PLD5: variants seen among roughly 807,000 people sequenced by gnomAD.
PLD5 encodes phospholipase D family member 5.
A neutral mutation model predicts 61.1 loss-of-function variants in PLD5; 36 were observed. The ratio of observed to expected loss-of-function variants is 0.59; its 90% CI spans 0.45 to 0.78. The LOEUF is 0.78. Ranked by LOEUF, PLD5 falls within the 30% of genes least tolerant of loss-of-function variation. PLD5 has a pLI of 0.00. For synonymous variants in PLD5, 243 were observed against 242.8 expected, an observed-to-expected ratio of 1.00 and a Z score of -0.01; for missense variants, 515 against 644.4, an observed-to-expected ratio of 0.80 and a Z score of 2.17.
At chr1:242,361,013 CAATG>C (rs1482649721) in intron 1 of PLD5, among the ~76,000 whole-genome samples, 2 of 152,046 alleles carry the variant, frequency 1.3e-5, no homozygotes, top group African/African-American at 4.8e-5. Context: ...AGTGGGCATT[CAATG>C]AATGAATCCT....
chr1:242,340,923 G>A (rs1311509073), intron 2 of PLD5, among the ~76,000 whole-genome samples: 2 of 151,794 alleles, frequency 1.3e-5, no homozygotes, highest in Admixed American at 6.6e-5. Flanking sequence ...GCTTAAGAAC[G>A]TTTCCTGCGG....
intron 2 of PLD5, among the ~76,000 whole-genome samples, chr1:242,344,301 C>A: frequency 6.6e-6 from 1 of 152,178 alleles, no homozygotes; most frequent in Non-Finnish European, 1.5e-5. Context: ...CACCTAGAGC[C>A]TTCTTTCTTC....
chr1:242,220,442 C>G (rs1271756072), intron 4 of PLD5, among the ~76,000 whole-genome samples: 1 of 152,152 alleles, frequency 6.6e-6, no homozygotes, highest in Non-Finnish European at 1.5e-5. Context: ...CCGGCTGCAC[C>G]ACTTACCATC....
At chr1:242,393,724 A>G (rs1251628664) in intron 1 of PLD5, among the ~76,000 whole-genome samples, 1 of 146,586 alleles carries the variant, frequency 6.8e-6, no homozygotes, top group African/African-American at 2.5e-5. Flanking sequence ...ATGAGTATAT[A>G]TGTGTGTATA....
intron 4 of PLD5, among the ~76,000 whole-genome samples, chr1:242,262,653 C>T (rs548249115): frequency 7.9e-5 from 12 of 152,026 alleles, no homozygotes; most frequent in South Asian, 2.1e-4. Context: ...AGAAGAAAGA[C>T]GGGGGGATAG....
intron 1 of PLD5, among the ~76,000 whole-genome samples, chr1:242,437,708 C>T (rs1448264043): frequency 2.0e-5 from 3 of 151,932 alleles, no homozygotes; most frequent in African/African-American, 4.8e-5. Context: ...ATTTAGTTTA[C>T]AAACAGCTAA....
chr1:242,462,913 T>C (rs1667163661), intron 1 of PLD5, among the ~76,000 whole-genome samples: 1 of 152,230 alleles, frequency 6.6e-6, no homozygotes, highest in Admixed American at 6.5e-5. Context: ...CCAACATTAC[T>C]TGTGCCTTAA....
intron 5 of PLD5, among the ~76,000 whole-genome samples, chr1:242,178,100 A>G (rs1047781896): frequency 2.0e-5 from 3 of 152,254 alleles, no homozygotes; most frequent in East Asian, 1.9e-4. Flanking sequence ...GTGCTGACCA[A>G]TGATTTCTAA....
At position 242,086,954 on chromosome 1, in the gene PLD5, C is replaced by T. The variant is rs1659504409; in HGVS notation, c.*2900G>A. 1 of 151,568 alleles carries T rather than the reference C, an allele frequency of 6.6e-6. No individual in the cohort carries two copies. Among genetic ancestry groups the T allele is most frequent in the East Asian group, 1.9e-4 (1 of 5,150 alleles). The allele number at this position is 151,568 out of a possible 1,614,324, so 9.4% of individuals were successfully genotyped here. ...ACCTGTTTTTGTTTTGCATTCTTTCCCTCCTGGAAAGTAATTCCTGGGATA... is the reference window on the plus strand; with the variant it reads ...ACCTGTTTTTGTTTTGCATTCTTTCTCTCCTGGAAAGTAATTCCTGGGATA... On this transcript the variant is annotated 3_prime_UTR_variant, in exon 10 of 10. Coordinates refer to ENST00000536534, the MANE Select transcript of PLD5 (RefSeq NM_001372062.1).
intron 5 of PLD5, among the ~76,000 whole-genome samples, chr1:242,149,448 T>C (rs1483668545): frequency 6.6e-6 from 1 of 151,840 alleles, no homozygotes; most frequent in Non-Finnish European, 1.5e-5. Context: ...ATAATGTGTT[T>C]GTCTCATTTT....
rs1421674199 is a variant in PLD5, at chr1:242,256,772, ATCTATC to A, written c.607+8559_607+8564del. On this transcript the variant is annotated intron_variant, in intron 4 of 9. Coordinates refer to ENST00000536534, the MANE Select transcript of PLD5 (RefSeq NM_001372062.1). The surrounding 1 kb of genome is among the most constrained non-coding windows in gnomAD (Gnocchi z 5.7). The stretch of plus-strand genomic sequence containing the variant: ...CATCTATCTATCTATCTATCTATCT[ATCTATC>A]TATCTATCTATCTATCTATTAATAT... 1.1e-4 allele frequency among the ~76,000 whole-genome samples: 16 copies of A among 149,604 alleles called. No homozygotes were observed. Among genetic ancestry groups the A allele is most frequent in the African/African-American group, 3.8e-4 (15 of 39,256 alleles).
At chr1:242,263,325 CT>C (rs1673479212) in intron 4 of PLD5, among the ~76,000 whole-genome samples, 1 of 151,608 alleles carries the variant, frequency 6.6e-6, no homozygotes. Context: ...CTGGAAAAAA[CT>C]TTCTAGAATT....
At chr1:242,439,294 G>C (rs966328949) in intron 1 of PLD5, among the ~76,000 whole-genome samples, 3 of 152,212 alleles carry the variant, frequency 2.0e-5, no homozygotes, top group Non-Finnish European at 2.9e-5. Context: ...GACCGAGGCT[G>C]ATGGTTATCT....
chr1:242,333,108 C>G (rs1659288011), intron 2 of PLD5, among the ~76,000 whole-genome samples: 2 of 152,132 alleles, frequency 1.3e-5, no homozygotes, highest in South Asian at 4.1e-4. Context: ...ATGGAATGAC[C>G]ACAGCTGAGC....
chr1:242,209,280 C>T (rs188102698), intron 5 of PLD5: 3 of 152,252 alleles, frequency 2.0e-5, no homozygotes, highest in Non-Finnish European at 4.4e-5. Context: ...TGGTGTTCTC[C>T]GTCTTCCCAC....
intron 5 of PLD5, among the ~76,000 whole-genome samples, chr1:242,169,836 G>C (rs971051355): frequency 2.0e-5 from 3 of 152,180 alleles, no homozygotes; most frequent in Admixed American, 1.3e-4. Flanking sequence ...ACTGGGTGGA[G>C]CCCACCGCAG....
intron 1 of PLD5, among the ~76,000 whole-genome samples, chr1:242,487,676 AAC>A (rs1332620541): frequency 6.6e-6 from 1 of 152,138 alleles, no homozygotes; most frequent in Non-Finnish European, 1.5e-5. Context: ...ATACACTAAG[AAC>A]TCCTAAAACT....
intron 1 of PLD5, among the ~76,000 whole-genome samples, chr1:242,466,815 C>T (rs1158715870): frequency 6.6e-6 from 1 of 151,832 alleles, no homozygotes; most frequent in African/African-American, 2.4e-5. Context: ...ATCGCTTGAA[C>T]CCAGGAGGCG....
At chr1:242,315,334 G>A (rs750080258) in intron 2 of PLD5, among the ~76,000 whole-genome samples, 2 of 152,210 alleles carry the variant, frequency 1.3e-5, no homozygotes, top group African/African-American at 2.4e-5. Flanking sequence ...AACAATACCG[G>A]AAAGGACATT....
Sources: gnomAD v4.1 joint callset for allele counts (sites outside exome capture counted in the v4.1 genomes callset) on GRCh38, gnomAD v4.1.1 for gene constraint, Gnocchi (gnomAD v3.1) non-coding constraint, MANE v1.5 for transcripts, NCBI Gene and HGNC (gene_info 2026-07-23, HGNC 2026-07-21) for gene names.